The following LAMA5 variants were observed in gnomAD, a reference collection of about 807,000 sequenced individuals.
LAMA5 encodes the protein laminin subunit alpha-5.
Under a neutral mutation model 433.4 loss-of-function variants are expected in LAMA5, and 260 were observed. That is an observed-to-expected ratio of 0.60 (90% confidence interval 0.54 to 0.66). LAMA5 has a LOEUF of 0.66. LAMA5 is among the 30% of genes least tolerant of loss of function. The probability of loss-of-function intolerance (pLI) is 0.00; values close to 1 mark genes in which losing one functional copy is unlikely to be tolerated. For synonymous variants in LAMA5, 2,620 were observed against 2,226.6 expected (o/e 1.18, Z -4.97); for missense variants, 5,378 against 5,258.5 (o/e 1.02, Z -0.70).
intron 40 of LAMA5, 99 bp from the exon 41 acceptor site, chr20:62,325,645 C>T (rs1433126457): frequency 1.3e-6 from 1 of 759,406 alleles, no homozygotes; most frequent in Non-Finnish European, 2.1e-6. Flanking sequence ...TGGAGGGGCA[C>T]AAAGACCATG....
Position 62,322,449 on chromosome 20 carries a change from C to A in LAMA5, c.6166G>T (p.Glu2056Ter). 6.3e-7 allele frequency: 1 copy of A among 1,581,172 alleles called. No homozygotes were observed. Among genetic ancestry groups the A allele is most frequent in the East Asian group, 2.3e-5 (1 of 43,106 alleles). The change falls in exon 47 of 80, where the codon GAG (glutamate) becomes TAG (stop). Residue 2056 changes from glutamate (E) to a stop codon, truncating the protein, a stop_gained and splice_region_variant. Transcript: ENST00000252999. LOFTEE classifies it high-confidence loss of function. Reference protein sequence around the residue: ...VTGRRCDRCQEGHFGFDGCGG... With the variant: ...VTGRRCDRCQ The stretch of plus-strand genomic sequence containing the variant: ...CAGCCATCGAAACCAAAATGTCCCT[C>A]CTGTGGCACAGGCTGGTCACTGCCC...
intron 18 of LAMA5, 96 bp from the exon 19 acceptor site, chr20:62,335,365 G>T (rs1244266397): frequency 1.6e-6 from 2 of 1,246,850 alleles, no homozygotes; most frequent in Admixed American, 2.1e-5. Flanking sequence ...CCCCCTCCAG[G>T]GCACACTCAC....
chr20:62,338,889 T>G (rs1007801021), intron 11 of LAMA5, among the ~76,000 whole-genome samples: 1 of 151,782 alleles, frequency 6.6e-6, no homozygotes, highest in African/African-American at 2.4e-5. Flanking sequence ...ATACAAAAAT[T>G]AGCTGGGCGT....
Position 62,338,114 on chromosome 20 carries a change from C to T in LAMA5, c.1793G>A (p.Gly598Asp), listed in dbSNP as rs758156425. 1.8e-5 allele frequency: 29 copies of T among 1,597,084 alleles called. No homozygotes were observed. The Admixed American group carries it at 2.4e-4, about 13-fold the overall frequency. Reference protein sequence around the residue: ...GCSPAGTLPEGCDEAGRCLCQ... With the variant: ...GCSPAGTLPEDCDEAGRCLCQ... Reference sequence around the variant, plus strand: ...TAGGCAGCGGCCGGCCTCATCGCAGCCCTCGGGCAAGGTTCCTGCAGGGCT... The same window carrying T: ...TAGGCAGCGGCCGGCCTCATCGCAGTCCTCGGGCAAGGTTCCTGCAGGGCT... The change falls in exon 14 of 80, where the codon GGC becomes GAC. Residue 598 changes from glycine (G) to aspartate (D), a missense_variant. Transcript: ENST00000252999.
At chr20:62,329,945 C>T (rs771948124) in intron 31 of LAMA5, 29 bp from the exon 32 acceptor site, 2 of 1,604,778 alleles carry the variant, frequency 1.2e-6, no homozygotes, top group Middle Eastern at 2.1e-4. Context: ...CAGGGTCAGG[C>T]CCCCATCTCT....
At position 62,329,907 on chromosome 20, in the gene LAMA5, T is replaced by TTGGCG; in HGVS notation, c.3984_3988dup (p.Asn1330ThrfsTer27). ...GTAGCCATGTGGACAGAAGCTGGCG[T>TTGGCG]TGGCGTGGCCTGGGCGGGGGAGAAA... On this transcript the variant is annotated frameshift_variant, in exon 32 of 80. Coordinates refer to ENST00000252999, the MANE Select transcript of LAMA5 (RefSeq NM_005560.6). LOFTEE classifies it high-confidence loss of function. 1 of 1,611,512 alleles carries TTGGCG rather than the reference T, an allele frequency of 6.2e-7. No individual in the cohort carries two copies. Among genetic ancestry groups the TTGGCG allele is most frequent in the Non-Finnish European group, 8.5e-7 (1 of 1,179,710 alleles).
In LAMA5 at chr20:62,311,644, C is replaced by CTCT. The variant is rs1432521071; in HGVS notation, c.9775_9776insAGA (p.Phe3258_Ser3259insLys). 6.2e-7 allele frequency: 1 copy of CTCT among 1,602,654 alleles called. No individual in the cohort carries two copies. The highest frequency in any genetic ancestry group is 8.5e-7 in the Non-Finnish European group (1 of 1,175,780). ...CACGAAGACGTTGCTGATGCAGCCACTGAAGTTGTAAATGGTGCCAGACTC... is the reference window on the plus strand; with the variant it reads ...CACGAAGACGTTGCTGATGCAGCCACTCTTGAAGTTGTAAATGGTGCCAGACTC... On this transcript the variant is annotated inframe_insertion, in exon 71 of 80. Transcript: ENST00000252999.
rs112963711 is a variant in LAMA5, at chr20:62,311,216, C to G, written c.10034G>C (p.Gly3345Ala). The G allele has an allele frequency of 1.9e-6, 3 of 1,610,304 alleles. No homozygotes were observed. Among genetic ancestry groups the G allele is most frequent in the Non-Finnish European group, 2.5e-6 (3 of 1,178,946 alleles). Residue 3345 changes from glycine (G) to alanine (A), a missense_variant, in exon 73 of 80, where the codon GGT becomes GCT. Physicochemically the swap from Gly to Ala is moderately conservative, Grantham distance 60. Coordinates refer to ENST00000252999, the MANE Select transcript of LAMA5 (RefSeq NM_005560.6). ...RTTRDSYQFG[G>A]SLSSHLEFVG... The stretch of plus-strand genomic sequence containing the variant: ...AAACTCCAGGTGACTGGACAGGGAA[C>G]CCCCAAACTGGTAGGAGTCTCGGGT...
chr20:62,346,614 G>T lies in LAMA5; in HGVS notation c.1192-18C>A, dbSNP rs377260370. 20 of 1,609,932 alleles carry T rather than the reference G, an allele frequency of 1.2e-5. No individual in the cohort carries two copies. The highest frequency in any genetic ancestry group is 1.7e-5 in the Non-Finnish European group (20 of 1,178,234). On this transcript the variant is annotated intron_variant, in intron 8 of 79. Transcript: ENST00000252999. ...GTGTGGTGCTGGGAGTGCAATGGCC[G>T]TTGAGTCTGGGGAGGTCCCTGCCCC...
chr20:62,325,205 A>G (rs1422163265), intron 41 of LAMA5, 111 bp downstream of exon 41: 5 of 697,200 alleles, frequency 7.2e-6, no homozygotes, highest in Non-Finnish European at 1.2e-5. Context: ...AAGAGAGGTG[A>G]GTAGGGTGAC....
At chr20:62,310,641 G>C in intron 75 of LAMA5, 24 bp downstream of exon 75, 5 of 1,596,478 alleles carry the variant, frequency 3.1e-6, no homozygotes, top group Non-Finnish European at 4.3e-6. Context: ...TGGGGAGTGG[G>C]GGCTGGGGCA....
chr20:62,333,609 G>T lies in LAMA5; in HGVS notation c.2976C>A (p.Asn992Lys). The part of the protein sequence containing the change: ...QRGFGEPFVL[N>K]PGTWALRVEA... The stretch of plus-strand genomic sequence containing the variant: ...CCACACGCAGGGCCCAGGTGCCAGG[G>T]TTCAGCACAAAGGGCTCTCCGAAGC... Residue 992 changes from asparagine to lysine, a missense_variant, in exon 24 of 80, where the codon AAC becomes AAA. Asn to Lys is a moderately conservative substitution (Grantham distance 94). Transcript: ENST00000252999. The T allele has an allele frequency of 6.3e-7, 1 of 1,575,844 alleles. No homozygotes were observed. Among genetic ancestry groups the T allele is most frequent in the Non-Finnish European group, 8.6e-7 (1 of 1,161,220 alleles).
At chr20:62,328,474 C>G (rs77265947) in intron 34 of LAMA5, 29 bp from the exon 35 acceptor site, 94 of 1,461,344 alleles carry the variant, frequency 6.4e-5, no homozygotes, top group Non-Finnish European at 8.5e-5. Flanking sequence ...GTTTACTGAC[C>G]CCTCTTCCCA....
At chr20:62,337,149 G>A (rs796659766) in intron 16 of LAMA5, among the ~76,000 whole-genome samples, 8 of 152,222 alleles carry the variant, frequency 5.3e-5, no homozygotes, top group African/African-American at 1.7e-4. Context: ...ACATGAACAC[G>A]CACACCCACA....
chr20:62,366,827 T>C, intron 1 of LAMA5, 122 bp downstream of exon 1: 1 of 1,213,068 alleles, frequency 8.2e-7, no homozygotes, highest in Non-Finnish European at 1.0e-6. Context: ...GCCCCCAAAA[T>C]GCGGAACCAG....
At chr20:62,355,810 G>A (rs1260232349) in intron 2 of LAMA5, among the ~76,000 whole-genome samples, 1 of 152,100 alleles carries the variant, frequency 6.6e-6, no homozygotes, top group Non-Finnish European at 1.5e-5. Flanking sequence ...AGTGGCCCCT[G>A]TGCCTGGACA....
chr20:62,333,296 C>T lies in LAMA5; in HGVS notation c.3129-53G>A, dbSNP rs551901534. The T allele has an allele frequency of 2.6e-4, 412 of 1,593,710 alleles. 3 individuals are homozygous for T. The South Asian group carries it at 4.5e-3, about 17-fold the overall frequency. On this transcript the variant is annotated intron_variant, in intron 25 of 79. Coordinates refer to ENST00000252999, the MANE Select transcript of LAMA5 (RefSeq NM_005560.6). Reference sequence around the variant, plus strand: ...CCAGGTCCACCCAGGTCCCCAGAGACAGCCTGAGTGGGGGAAGCCAGGCAC... The same window carrying T: ...CCAGGTCCACCCAGGTCCCCAGAGATAGCCTGAGTGGGGGAAGCCAGGCAC...
chr20:62,315,547 T>C (rs760580780), intron 58 of LAMA5, among the ~76,000 whole-genome samples: 3 of 151,990 alleles, frequency 2.0e-5, no homozygotes, highest in Non-Finnish European at 4.4e-5. Context: ...GTGAGGCACA[T>C]CGTCCTCTGC....
chr20:62,361,960 G>T lies in LAMA5; in HGVS notation c.450+440C>A, dbSNP rs73313250. 5.1e-3 allele frequency among the ~76,000 whole-genome samples: 783 copies of T among 152,276 alleles called. 11 individuals are homozygous for T. Among genetic ancestry groups the T allele is most frequent in the African/African-American group, 0.018 (749 of 41,558 alleles). ...CCTAACCCTCAGTGGCCGCCACCTC[G>T]GCACAGGTATCCCAGGAATGTCCAC... On this transcript the variant is annotated intron_variant, in intron 2 of 79. Coordinates refer to ENST00000252999, the MANE Select transcript of LAMA5 (RefSeq NM_005560.6).
Sources: allele counts gnomAD v4.1 joint callset (sites outside exome capture counted in the v4.1 genomes callset), GRCh38; gene constraint gnomAD v4.1.1; transcripts MANE v1.5; gene names NCBI Gene and HGNC (gene_info 2026-07-23, HGNC 2026-07-21).